Variants in LOXL4 observed in about 807,000 individuals in gnomAD.
The protein encoded by LOXL4 is lysyl oxidase like 4.
A neutral mutation model predicts 89.1 loss-of-function variants in LOXL4; 72 were observed. The observed-to-expected ratio is 0.81, with a 90% CI of 0.67 to 0.98. The LOEUF is 0.98. Among genes scored for constraint, LOXL4 ranks in the 50% least tolerant of loss-of-function variants. The probability of loss-of-function intolerance (pLI) is 0.00; values close to 1 mark genes in which losing one functional copy is unlikely to be tolerated. For synonymous variants in LOXL4, 355 were observed against 392.1 expected (o/e 0.91, Z 1.12); for missense variants, 984 against 1,017.5 (o/e 0.97, Z 0.45).
rs531680962 is a variant in LOXL4, at chr10:98,263,736, T to C, written c.-32-685A>G. On this transcript the variant is annotated intron_variant, in intron 1 of 14. Transcript: ENST00000260702. ...TTCTTTTTTCTTTCTTTCTTTCTTT[T>C]TTTTTTTTTTTTCGAGACAGAGTCT... Among the ~76,000 whole-genome samples, 573 of 148,164 alleles carry C rather than the reference T, an allele frequency of 3.9e-3. 4 individuals are homozygous for C. The highest frequency in any genetic ancestry group is 0.014 in the Middle Eastern group (4 of 286).
At position 98,262,434 on chromosome 10, in the gene LOXL4, G is replaced by C. The variant is rs945364093; in HGVS notation, c.278-221C>G. Among the ~76,000 whole-genome samples the C allele has an allele frequency of 3.9e-5, 6 of 152,286 alleles. No homozygotes were observed. In the South Asian group the frequency reaches 1.2e-3, roughly 32 times the overall value. On this transcript the variant is annotated intron_variant, in intron 2 of 14. Coordinates refer to ENST00000260702, the MANE Select transcript of LOXL4 (RefSeq NM_032211.7). ...AGAGAATCTGTTTTTGGAAAATGCC[G>C]GGTAGCTCTAGGAATCAGACCTACC...
At chr10:98,260,133 C>T (rs1412996061) in intron 4 of LOXL4, among the ~76,000 whole-genome samples, 2 of 152,206 alleles carry the variant, frequency 1.3e-5, no homozygotes, top group Non-Finnish European at 2.9e-5. Flanking sequence ...CTGGTTGATG[C>T]AATCAGTTGT....
At position 98,251,663 on chromosome 10, in the gene LOXL4, T is replaced by C. The variant is rs749117605; in HGVS notation, c.1991A>G (p.Gln664Arg). 4 of 1,614,232 alleles carry C rather than the reference T, an allele frequency of 2.5e-6. No homozygotes were observed. Among genetic ancestry groups the C allele is most frequent in the Admixed American group, 3.3e-5 (2 of 60,026 alleles). ...GTCCCAGCAGCCTACAGTCACTCCC[T>C]GTTCTCCAAAGTTGGCACATGCGTA... ...RRYACANFGE[Q>R]GVTVGCWDTY... The change falls in exon 13 of 15, where the codon CAG (glutamine) becomes CGG (arginine). Residue 664 changes from glutamine to arginine, a missense_variant. Gln to Arg is a conservative substitution (Grantham distance 43). Coordinates refer to ENST00000260702, the MANE Select transcript of LOXL4 (RefSeq NM_032211.7).
intron 6 of LOXL4, among the ~76,000 whole-genome samples, chr10:98,258,582 G>A (rs1288958538): frequency 6.6e-6 from 1 of 151,886 alleles, no homozygotes; most frequent in Non-Finnish European, 1.5e-5. Flanking sequence ...CCATCTCAGT[G>A]TGGCGCTGAG....
chr10:98,254,055 T>C (rs374588309), intron 10 of LOXL4, among the ~76,000 whole-genome samples: 17 of 152,214 alleles, frequency 1.1e-4, no homozygotes, highest in African/African-American at 2.9e-4. Flanking sequence ...CATTCTTGGC[T>C]TACTTTCTGA....
rs553137693 is a variant in LOXL4 at position 98,248,609 on chromosome 10, T to G, written c.*312A>C. On this transcript the variant is annotated 3_prime_UTR_variant, in exon 15 of 15. Transcript: ENST00000260702. ...AGTCCATCCCTAAGAAACTGAGAGC[T>G]CCTGAATCCCGGATCTCTGTGGCAA... 3.9e-4 allele frequency: 129 copies of G among 334,024 alleles called. 1 individual carries two copies. Among genetic ancestry groups the G allele is most frequent in the Non-Finnish European group, 6.4e-4 (114 of 179,142 alleles). 20.7% of individuals were successfully genotyped at this position (334,024 alleles called of 1,614,324 possible). A position where few individuals can be genotyped will look rare whatever the true frequency, so the allele number is the denominator to read the frequency against.
At chr10:98,259,289 G>A (rs1858473950) in intron 5 of LOXL4, 61 bp from the exon 6 acceptor site, 1 of 1,583,766 alleles carries the variant, frequency 6.3e-7, no homozygotes, top group East Asian at 2.2e-5. Flanking sequence ...CAGGACTAAG[G>A]GAGGCCAAGG....
chr10:98,256,742 G>A (rs1204473493), intron 9 of LOXL4, 38 bp downstream of exon 9: 1 of 1,612,486 alleles, frequency 6.2e-7, no homozygotes, highest in African/African-American at 1.3e-5. Flanking sequence ...GAACAGGAGG[G>A]TGAGAGGTCA....
chr10:98,263,748 T>C (rs1181095501), intron 1 of LOXL4, among the ~76,000 whole-genome samples: 2 of 150,386 alleles, frequency 1.3e-5, no homozygotes, highest in Non-Finnish European at 3.0e-5. Context: ...TTTTTTTTTT[T>C]CGAGACAGAG....
intron 3 of LOXL4, among the ~76,000 whole-genome samples, chr10:98,261,674 C>T (rs1858546620): frequency 6.6e-6 from 1 of 152,260 alleles, no homozygotes; most frequent in South Asian, 2.1e-4. Flanking sequence ...GCCCTGCCCG[C>T]TCCTGTTGTT....
rs146393844 is a variant in LOXL4, at chr10:98,262,127, A to C, written c.364T>G (p.Cys122Gly). 247 of 1,613,362 alleles carry C rather than the reference A, an allele frequency of 1.5e-4. No homozygotes were observed. In the African/African-American group the frequency reaches 3.1e-3, roughly 20 times the overall value. Reference protein sequence around the residue: ...CGSNGWGVSDCSHSEDVGVIC... With the variant: ...CGSNGWGVSDGSHSEDVGVIC... ...ACCCCTACGTCTTCTGAGTGACTGC[A>C]GTCACTGACTCCCCAGCCATTAGAC... is the stretch of plus-strand genomic sequence containing the variant. The change falls in exon 3 of 15, where the codon TGC (cysteine) becomes GGC (glycine). Residue 122 changes from cysteine (C) to glycine (G), a missense_variant. Coordinates refer to ENST00000260702, the MANE Select transcript of LOXL4 (RefSeq NM_032211.7).
intron 6 of LOXL4, 61 bp downstream of exon 6, chr10:98,258,948 C>T (rs1858459295): frequency 1.6e-5 from 22 of 1,369,514 alleles, no homozygotes; most frequent in East Asian, 2.5e-5. Context: ...CACCCCCCAC[C>T]AGGCAGTGTC....
chr10:98,251,266 T>C, intron 13 of LOXL4, 90 bp from the exon 14 acceptor site: 1 of 1,018,968 alleles, frequency 9.8e-7, no homozygotes, highest in Non-Finnish European at 1.5e-6. Flanking sequence ...TGTGTTTCTA[T>C]TTGCTTCATT....
chr10:98,252,611 C>T (rs1284379524), intron 11 of LOXL4, 143 bp from the exon 12 acceptor site: 5 of 601,934 alleles, frequency 8.3e-6, no homozygotes, highest in Non-Finnish European at 1.2e-5. Context: ...CTCCCAAACC[C>T]GAGATTAGTG....
Position 98,257,221 on chromosome 10 carries a change from T to C in LOXL4, c.1261-274A>G, listed in dbSNP as rs1237555232. Among the ~76,000 whole-genome samples the C allele has an allele frequency of 3.3e-5, 5 of 152,188 alleles. No individual in the cohort carries two copies. In the East Asian group the frequency reaches 9.6e-4, roughly 29 times the overall value. ...TCCACCATTAACGACAACTGGCAAT[T>C]TGCAAAGGGCTTTCATGTCCCTTGC... On this transcript the variant is annotated intron_variant, in intron 8 of 14. Transcript: ENST00000260702.
chr10:98,259,169 G>C lies in LOXL4; in HGVS notation c.761C>G (p.Thr254Arg). Residue 254 changes from threonine to arginine, a missense_variant, in exon 6 of 15, where the codon ACA (threonine) becomes AGA (arginine). Coordinates refer to ENST00000260702, the MANE Select transcript of LOXL4 (RefSeq NM_032211.7). ...CTGGCAGTTGGCCATGTGGGGCTCTGTCCCCAGGCAGGTGACCTGGTGGAT... is the reference window on the plus strand; with the variant it reads ...CTGGCAGTTGGCCATGTGGGGCTCTCTCCCCAGGCAGGTGACCTGGTGGAT... ...FWIHQVTCLG[T>R]EPHMANCQVQ... is the part of the protein sequence containing the mutation. 1 of 1,612,322 alleles carries C rather than the reference G, an allele frequency of 6.2e-7. No individual in the cohort carries two copies. The highest frequency in any genetic ancestry group is 1.1e-5 in the South Asian group (1 of 90,928).
chr10:98,266,323 C>CA (rs1439065069), intron 1 of LOXL4, among the ~76,000 whole-genome samples: 1 of 152,198 alleles, frequency 6.6e-6, no homozygotes, highest in Non-Finnish European at 1.5e-5. Flanking sequence ...CTCTGAGTCT[C>CA]AGCTGAAAAA....
chr10:98,264,603 C>T (rs980289897), intron 1 of LOXL4, among the ~76,000 whole-genome samples: 1 of 151,896 alleles, frequency 6.6e-6, no homozygotes, highest in Non-Finnish European at 1.5e-5. Flanking sequence ...TCTTTGGGTC[C>T]TTAGAGAGGG....
At position 98,251,592 on chromosome 10, in the gene LOXL4, C is replaced by A. The variant is rs535913858; in HGVS notation, c.2062G>T (p.Val688Leu). The A allele has an allele frequency of 3.0e-5, 49 of 1,614,238 alleles. No homozygotes were observed. The highest frequency in any genetic ancestry group is 4.1e-5 in the Non-Finnish European group (48 of 1,180,042). The change falls in exon 13 of 15, where the codon GTG becomes TTG. Residue 688 changes from valine (V) to leucine (L), a missense_variant. Coordinates refer to ENST00000260702, the MANE Select transcript of LOXL4 (RefSeq NM_032211.7). ...TGGAAGATATAATTCCCGGGGCCCA[C>A]ATCTGTGATATCCACCCACTGGCAA... is the stretch of plus-strand genomic sequence containing the variant. ...IDCQWVDITD[V>L]GPGNYIFQVI... is the part of the protein sequence containing the mutation.
Sources: gnomAD v4.1 joint callset for allele counts (sites outside exome capture counted in the v4.1 genomes callset) on GRCh38, gnomAD v4.1.1 for gene constraint, MANE v1.5 for transcripts, NCBI Gene and HGNC (gene_info 2026-07-23, HGNC 2026-07-21) for gene names.